NPAS3: variants seen among roughly 807,000 people sequenced by gnomAD.
NPAS3 encodes neuronal PAS domain protein 3.
In NPAS3, 14 loss-of-function variants were observed where a neutral mutation model predicts 73.1. The ratio of observed to expected loss-of-function variants is 0.19; its 90% CI spans 0.13 to 0.30. The LOEUF (loss-of-function observed/expected upper bound fraction) is 0.30, where lower values mean the gene tolerates loss of function less well. NPAS3 is among the 10% of genes least tolerant of loss of function. NPAS3 has a pLI of 1.00. For synonymous variants in NPAS3, 620 were observed against 541.5 expected (o/e 1.14, Z -2.01); for missense variants, 1,096 against 1,250.0 (o/e 0.88, Z 1.86).
At chr14:33,079,476 G>A (rs1213284541) in intron 2 of NPAS3, among the ~76,000 whole-genome samples, 3 of 151,380 alleles carry the variant, frequency 2.0e-5, no homozygotes, top group Admixed American at 6.6e-5. Context: ...ACGCCAGCAC[G>A]CCCAGCTAAT....
chr14:33,064,805 A>G (rs181776774), intron 2 of NPAS3, among the ~76,000 whole-genome samples: 122 of 152,304 alleles, frequency 8.0e-4, no homozygotes, highest in African/African-American at 2.8e-3. Flanking sequence ...CTTCTATACA[A>G]TGGTGTGTGT....
intron 4 of NPAS3, among the ~76,000 whole-genome samples, chr14:33,518,636 A>C (rs957783842): frequency 4.6e-5 from 7 of 150,864 alleles, no homozygotes; most frequent in African/African-American, 1.5e-4. Context: ...CTTTGCAAAA[A>C]ATGAAATTTC....
At chr14:33,245,694 T>G (rs1199692199) in intron 3 of NPAS3, among the ~76,000 whole-genome samples, 1 of 152,182 alleles carries the variant, frequency 6.6e-6, no homozygotes, top group Non-Finnish European at 1.5e-5. Context: ...CAAACCAGAT[T>G]TAACATTTCA....
At chr14:33,155,211 A>G (rs1302373274) in intron 2 of NPAS3, among the ~76,000 whole-genome samples, 1 of 152,172 alleles carries the variant, frequency 6.6e-6, no homozygotes. Flanking sequence ...GTGGGAAGAC[A>G]TTGTTTGAAA....
chr14:33,336,054 T>C (rs1174392533), intron 3 of NPAS3, among the ~76,000 whole-genome samples: 1 of 152,214 alleles, frequency 6.6e-6, no homozygotes, highest in Non-Finnish European at 1.5e-5. Flanking sequence ...CATTTTACAT[T>C]CTCACCAGCA....
At chr14:33,252,507 C>G (rs78978600) in intron 3 of NPAS3, among the ~76,000 whole-genome samples, 4,925 of 151,722 alleles carry the variant, frequency 0.032, 210 homozygotes, top group East Asian at 0.22. Flanking sequence ...CAAAATAACC[C>G]CATGATGTAG....
intron 6 of NPAS3, among the ~76,000 whole-genome samples, chr14:33,697,448 T>C (rs2060414884): frequency 6.6e-6 from 1 of 152,174 alleles, no homozygotes; most frequent in Non-Finnish European, 1.5e-5. Flanking sequence ...AGGCTTGCCT[T>C]CATTTTTCAA....
chr14:33,413,703 T>G (rs1375612570), intron 4 of NPAS3, among the ~76,000 whole-genome samples: 1 of 152,174 alleles, frequency 6.6e-6, no homozygotes, highest in Non-Finnish European at 1.5e-5. Context: ...CTTATTTGGA[T>G]AAAGATAATT....
intron 3 of NPAS3, among the ~76,000 whole-genome samples, chr14:33,245,076 A>C (rs1215133862): frequency 6.6e-6 from 1 of 152,182 alleles, no homozygotes; most frequent in South Asian, 2.1e-4. Flanking sequence ...TATGGGAAGG[A>C]TATAGACTCC....
intron 2 of NPAS3, among the ~76,000 whole-genome samples, chr14:33,201,761 G>A (rs1446275266): frequency 6.6e-6 from 1 of 152,140 alleles, no homozygotes; most frequent in Non-Finnish European, 1.5e-5. Flanking sequence ...TGGATGCTTT[G>A]TGATGGGGGC....
At chr14:33,368,304 C>A (rs2045930911) in intron 4 of NPAS3, among the ~76,000 whole-genome samples, 1 of 142,860 alleles carries the variant, frequency 7.0e-6, no homozygotes. Context: ...TTATGTGATT[C>A]TGCGTTAAAA....
chr14:33,692,468 ATAAT>A (rs2060259962), intron 6 of NPAS3, among the ~76,000 whole-genome samples: 2 of 152,186 alleles, frequency 1.3e-5, no homozygotes, highest in South Asian at 2.1e-4. Context: ...AGAATAGTGC[ATAAT>A]TAAACTATTG....
At chr14:33,655,323 C>T (rs1020521472) in intron 5 of NPAS3, among the ~76,000 whole-genome samples, 2 of 138,308 alleles carry the variant, frequency 1.4e-5, no homozygotes, top group African/African-American at 5.4e-5. Flanking sequence ...CTCTATATAC[C>T]TTTGGCTCTT....
intron 6 of NPAS3, among the ~76,000 whole-genome samples, chr14:33,682,330 AT>A (rs2059963468): frequency 6.6e-6 from 1 of 152,206 alleles, no homozygotes; most frequent in Non-Finnish European, 1.5e-5. Context: ...TATGCGGCAA[AT>A]CTAGCAGTCA....
chr14:33,502,655 G>A lies in NPAS3; in HGVS notation c.469-57466G>A, dbSNP rs532844252. 1.8e-3 allele frequency among the ~76,000 whole-genome samples: 279 copies of A among 151,868 alleles called. 1 individual carries two copies. Among genetic ancestry groups the A allele is most frequent in the South Asian group, 3.1e-3 (15 of 4,816 alleles). On this transcript the variant is annotated intron_variant, in intron 4 of 11. Transcript: ENST00000356141. ...AGTATTTTTGTTTTTCTTCTTCAAC[G>A]TAATCTTCTCCATCTCTTCTCTTTA...
intron 6 of NPAS3, among the ~76,000 whole-genome samples, chr14:33,718,777 G>A (rs529556996): frequency 1.7e-4 from 26 of 152,158 alleles, no homozygotes; most frequent in African/African-American, 5.8e-4. Flanking sequence ...ATAATATTAC[G>A]CCCTTCGTAG....
chr14:33,616,319 G>A (rs918168807), intron 5 of NPAS3, among the ~76,000 whole-genome samples: 1 of 152,188 alleles, frequency 6.6e-6, no homozygotes, highest in Non-Finnish European at 1.5e-5. Flanking sequence ...TAGTTGCTCT[G>A]TTCTGAAAGA....
intron 1 of NPAS3, among the ~76,000 whole-genome samples, chr14:33,027,859 G>A (rs2039860866): frequency 6.6e-6 from 1 of 152,056 alleles, no homozygotes; most frequent in African/African-American, 2.4e-5. Context: ...CATGGAAATG[G>A]GAATTGGCAC....
At chr14:33,687,230 C>T (rs994422765) in intron 6 of NPAS3, among the ~76,000 whole-genome samples, 1 of 151,900 alleles carries the variant, frequency 6.6e-6, no homozygotes, top group African/African-American at 2.4e-5. Context: ...TTTTTTTAAT[C>T]AATTGGTAAT....
Sources: gnomAD v4.1 joint callset for allele counts (sites outside exome capture counted in the v4.1 genomes callset) on GRCh38, gnomAD v4.1.1 for gene constraint, MANE v1.5 for transcripts, NCBI Gene and HGNC (gene_info 2026-07-23, HGNC 2026-07-21) for gene names.